Variants in CDH13 observed in about 807,000 individuals in gnomAD.
CDH13 encodes the protein cadherin 13.
In CDH13, 24 loss-of-function variants were observed where a neutral mutation model predicts 63.8. The observed-to-expected ratio is 0.38, with a 90% CI of 0.27 to 0.53. CDH13 has a LOEUF of 0.53. CDH13 is among the 20% of genes least tolerant of loss of function. The probability of loss-of-function intolerance (pLI) is 0.85; values close to 1 mark genes in which losing one functional copy is unlikely to be tolerated. For synonymous variants in CDH13, 503 were observed against 355.3 expected (o/e 1.42, Z -4.67); for missense variants, 1,049 against 903.1 (o/e 1.16, Z -2.07).
chr16:83,685,407 C>G (rs1260443746), intron 10 of CDH13, among the ~76,000 whole-genome samples: 1 of 152,062 alleles, frequency 6.6e-6, no homozygotes, highest in Non-Finnish European at 1.5e-5. Context: ...TAGATATTTG[C>G]ATAATCAAAA....
Position 83,198,091 on chromosome 16 carries a change from G to A in CDH13, c.484-19254G>A, listed in dbSNP as rs138283936. 2.0e-5 allele frequency among the ~76,000 whole-genome samples: 3 copies of A among 152,172 alleles called. No individual in the cohort carries two copies. In the East Asian group the frequency reaches 5.8e-4, roughly 29 times the overall value. ...TTTTAGTATAGTTAACTATCCAGTA[G>A]GACATTGAGCATCTTGCTTTCTACC... On this transcript the variant is annotated intron_variant, in intron 4 of 13. Coordinates refer to ENST00000567109, the MANE Select transcript of CDH13 (RefSeq NM_001257.5).
intron 5 of CDH13, among the ~76,000 whole-genome samples, chr16:83,220,771 C>T (rs2039676724): frequency 6.6e-6 from 1 of 151,578 alleles, no homozygotes; most frequent in Non-Finnish European, 1.5e-5. Flanking sequence ...CATGCAAGTA[C>T]GTGTTGATGT....
intron 4 of CDH13, among the ~76,000 whole-genome samples, chr16:83,146,128 A>G (rs964008562): frequency 3.4e-5 from 5 of 148,018 alleles, no homozygotes; most frequent in Non-Finnish European, 6.0e-5. Context: ...TGGGAGGCAG[A>G]AGTTACAGTG....
chr16:82,799,398 T>G (rs2036743792), intron 1 of CDH13, among the ~76,000 whole-genome samples: 1 of 152,192 alleles, frequency 6.6e-6, no homozygotes, highest in Non-Finnish European at 1.5e-5. Flanking sequence ...TAGAGTAATT[T>G]ACCGTAAGAT....
chr16:83,367,627 TC>T (rs1254187252), intron 6 of CDH13, among the ~76,000 whole-genome samples: 2 of 152,222 alleles, frequency 1.3e-5, no homozygotes, highest in East Asian at 3.8e-4. Context: ...GTATGAGGGT[TC>T]TAATTTCTCC....
chr16:83,646,826 G>C (rs558891251), intron 8 of CDH13, among the ~76,000 whole-genome samples: 133 of 151,694 alleles, frequency 8.8e-4, no homozygotes, highest in African/African-American at 2.8e-3. Flanking sequence ...AGAGCCATGA[G>C]ACCTGGTCTG....
At chr16:83,460,080 A>C (rs2073135696) in intron 6 of CDH13, among the ~76,000 whole-genome samples, 1 of 152,222 alleles carries the variant, frequency 6.6e-6, no homozygotes, top group Admixed American at 6.5e-5. Context: ...AAAAAAGTAA[A>C]AAATAACTAA....
chr16:83,330,089 A>G (rs573643583), intron 5 of CDH13, among the ~76,000 whole-genome samples: 14 of 152,340 alleles, frequency 9.2e-5, no homozygotes, highest in African/African-American at 3.4e-4. Context: ...GCCTTCAAAT[A>G]GAAGAGATTC....
At chr16:82,847,653 A>G (rs1346563286) in intron 1 of CDH13, among the ~76,000 whole-genome samples, 3 of 152,218 alleles carry the variant, frequency 2.0e-5, no homozygotes, top group Non-Finnish European at 4.4e-5. Flanking sequence ...AATCTAACAT[A>G]TTCACAGGTC....
At chr16:83,703,082 G>T (rs1164421164) in intron 10 of CDH13, among the ~76,000 whole-genome samples, 1 of 152,166 alleles carries the variant, frequency 6.6e-6, no homozygotes, top group South Asian at 2.1e-4. Flanking sequence ...TCCTCCTTGG[G>T]TCATGTATCT....
intron 1 of CDH13, among the ~76,000 whole-genome samples, chr16:82,818,128 G>GTGTA (rs977589669): frequency 6.6e-6 from 1 of 151,554 alleles, no homozygotes. Flanking sequence ...GTGTGTGTGT[G>GTGTA]TGTGTGTGTG....
At chr16:83,434,861 G>A (rs909954223) in intron 6 of CDH13, among the ~76,000 whole-genome samples, 4,262 of 78,722 alleles carry the variant, frequency 0.054, 218 homozygotes, top group African/African-American at 0.21. Flanking sequence ...GTGTGCGTGT[G>A]TGTGTGTGTG....
chr16:83,656,404 C>G (rs1277541772), intron 8 of CDH13, among the ~76,000 whole-genome samples: 1 of 152,102 alleles, frequency 6.6e-6, no homozygotes. Flanking sequence ...GTTAGACACC[C>G]AGAAGCAGAT....
rs544488279 is a variant in CDH13, at chr16:82,944,784, G to C, written c.157+86311G>C. ...TTATTTGATGAGAGAGAGAAAGAGA[G>C]AGAGAGAGACAGACAGAGACTGATA... On this transcript the variant is annotated intron_variant, in intron 2 of 13. Coordinates refer to ENST00000567109, the MANE Select transcript of CDH13 (RefSeq NM_001257.5). 4.6e-5 allele frequency among the ~76,000 whole-genome samples: 7 copies of C among 152,278 alleles called. No homozygotes were observed. The East Asian group carries it at 1.4e-3, about 29-fold the overall frequency.
intron 7 of CDH13, among the ~76,000 whole-genome samples, chr16:83,539,726 G>T (rs2075264164): frequency 6.6e-6 from 1 of 152,204 alleles, no homozygotes; most frequent in African/African-American, 2.4e-5. Flanking sequence ...TTTCATAGAT[G>T]AAGCAATTGC....
chr16:83,630,517 G>A (rs1910681256), intron 8 of CDH13, among the ~76,000 whole-genome samples: 1 of 152,212 alleles, frequency 6.6e-6, no homozygotes, highest in Admixed American at 6.5e-5. Flanking sequence ...GTAGGTAACA[G>A]ACAAATGGTT....
At chr16:83,127,730 C>G (rs897201361) in intron 4 of CDH13, among the ~76,000 whole-genome samples, 4 of 152,058 alleles carry the variant, frequency 2.6e-5, no homozygotes, top group African/African-American at 9.7e-5. Flanking sequence ...CTGTGTCAAA[C>G]AAACACACAA....
intron 5 of CDH13, among the ~76,000 whole-genome samples, chr16:83,270,673 G>A (rs751874959): frequency 5.3e-5 from 8 of 152,004 alleles, no homozygotes; most frequent in Non-Finnish European, 1.2e-4. Context: ...TCTCCCTCAC[G>A]CTTAGAGGAG....
At chr16:82,842,090 A>C (rs1415317460) in intron 1 of CDH13, among the ~76,000 whole-genome samples, 4 of 39,942 alleles carry the variant, frequency 1.0e-4, no homozygotes, top group East Asian at 5.6e-4. Flanking sequence ...CTTGCATTCT[A>C]CATATATATA....
Sources: gnomAD v4.1 joint callset for allele counts (sites outside exome capture counted in the v4.1 genomes callset) on GRCh38, gnomAD v4.1.1 for gene constraint, MANE v1.5 for transcripts, NCBI Gene and HGNC (gene_info 2026-07-23, HGNC 2026-07-21) for gene names.